Variants in ABTB3 observed in about 807,000 individuals in gnomAD.
The protein encoded by ABTB3 is ankyrin repeat and BTB domain containing 3.
the ABTB3 span, among the ~76,000 whole-genome samples, chr12:107,357,568 G>A: frequency 6.6e-6 from 1 of 152,184 alleles, no homozygotes; most frequent in African/African-American, 2.4e-5. Context: ...CTATGATCAT[G>A]CCACTGTGCT....
At chr12:107,521,056 T>C in the ABTB3 span, among the ~76,000 whole-genome samples, 1 of 152,226 alleles carries the variant, frequency 6.6e-6, no homozygotes, top group African/African-American at 2.4e-5. Flanking sequence ...CGTGAGAATG[T>C]GCATGCCAGA....
chr12:107,551,405 T>C, the ABTB3 span, among the ~76,000 whole-genome samples: 1 of 152,238 alleles, frequency 6.6e-6, no homozygotes, highest in African/African-American at 2.4e-5. Flanking sequence ...CATGATCCAT[T>C]TGTAACTTGA....
the ABTB3 span, among the ~76,000 whole-genome samples, chr12:107,557,549 T>C: frequency 6.6e-6 from 1 of 152,188 alleles, no homozygotes; most frequent in Admixed American, 6.5e-5. Context: ...TCATGGTTGA[T>C]TCTATTTATT....
the ABTB3 span, among the ~76,000 whole-genome samples, chr12:107,624,803 C>A: frequency 6.6e-6 from 1 of 152,184 alleles, no homozygotes; most frequent in Non-Finnish European, 1.5e-5. Context: ...CATTTACGCA[C>A]AGGTTTTTGT....
the ABTB3 span, among the ~76,000 whole-genome samples, chr12:107,560,839 C>A: frequency 3.3e-5 from 5 of 152,322 alleles, no homozygotes; most frequent in South Asian, 1.0e-3. Flanking sequence ...GAGGAAAACA[C>A]CACAATTCCA....
the ABTB3 span, among the ~76,000 whole-genome samples, chr12:107,410,226 T>TAA: frequency 0.052 from 6,340 of 122,094 alleles, 327 homozygotes; most frequent in African/African-American, 0.13. Context: ...TCAGAATTGT[T>TAA]AAAAAAAAAA....
the ABTB3 span, among the ~76,000 whole-genome samples, chr12:107,324,041 T>A: frequency 6.6e-6 from 1 of 152,182 alleles, no homozygotes; most frequent in Non-Finnish European, 1.5e-5. Flanking sequence ...TGTCCTCCAG[T>A]TTCCTCAGCT....
chr12:107,349,910 A>G, the ABTB3 span, among the ~76,000 whole-genome samples: 1 of 152,242 alleles, frequency 6.6e-6, no homozygotes, highest in Admixed American at 6.5e-5. Context: ...AAACATAGAC[A>G]TCTCCATTTG....
At chr12:107,639,160 C>A in the ABTB3 span, among the ~76,000 whole-genome samples, 3 of 152,130 alleles carry the variant, frequency 2.0e-5, no homozygotes, top group African/African-American at 7.2e-5. Flanking sequence ...GTGTGCAGAG[C>A]CCCAGAGGGG....
chr12:107,636,452 T>G, the ABTB3 span, among the ~76,000 whole-genome samples: 1 of 152,206 alleles, frequency 6.6e-6, no homozygotes. Flanking sequence ...GAAGGACATC[T>G]GAGTAATAGA....
chr12:107,423,848 C>T, the ABTB3 span, among the ~76,000 whole-genome samples: 1 of 152,216 alleles, frequency 6.6e-6, no homozygotes, highest in African/African-American at 2.4e-5. Context: ...ATTGAAGTAA[C>T]AGTTCCTCCA....
At chr12:107,640,429 T>G in the ABTB3 span, 1 of 1,477,222 alleles carries the variant, frequency 6.8e-7, no homozygotes, top group East Asian at 2.3e-5. Context: ...TATCATCGGT[T>G]TTGAAAGCAG....
At chr12:107,431,473 G>T in the ABTB3 span, among the ~76,000 whole-genome samples, 1 of 152,256 alleles carries the variant, frequency 6.6e-6, no homozygotes, top group Non-Finnish European at 1.5e-5. Flanking sequence ...GCCGGGCGTG[G>T]TGGCGCATGT....
chr12:107,411,742 G>C, the ABTB3 span, among the ~76,000 whole-genome samples: 1 of 152,200 alleles, frequency 6.6e-6, no homozygotes, highest in Admixed American at 6.5e-5. Flanking sequence ...TCGTCTTGCA[G>C]GACTGACTAG....
the ABTB3 span, among the ~76,000 whole-genome samples, chr12:107,494,758 C>A: frequency 6.6e-6 from 1 of 152,138 alleles, no homozygotes; most frequent in African/African-American, 2.4e-5. Context: ...GCAGCTTCCC[C>A]AGGTGGCACC....
At chr12:107,560,690 G>T in the ABTB3 span, among the ~76,000 whole-genome samples, 1 of 152,208 alleles carries the variant, frequency 6.6e-6, no homozygotes, top group Non-Finnish European at 1.5e-5. Context: ...CTGCTCTAGG[G>T]ATTGCCGGTA....
At chr12:107,384,632 A>C in the ABTB3 span, among the ~76,000 whole-genome samples, 2 of 152,190 alleles carry the variant, frequency 1.3e-5, no homozygotes, top group South Asian at 2.1e-4. Context: ...GCCTCAGTAC[A>C]TCCCCTGGGA....
chr12:107,521,656 C>T, the ABTB3 span, among the ~76,000 whole-genome samples: 3 of 151,828 alleles, frequency 2.0e-5, no homozygotes, highest in Admixed American at 1.3e-4. Flanking sequence ...AGCCAAAGCC[C>T]CAGAATTACT....
chr12:107,346,472 T>G, the ABTB3 span, among the ~76,000 whole-genome samples: 1 of 152,146 alleles, frequency 6.6e-6, no homozygotes, highest in African/African-American at 2.4e-5. Context: ...TCTTAATTTT[T>G]TTTTTCAGAT....
Sources: gnomAD v4.1 joint callset for allele counts (sites outside exome capture counted in the v4.1 genomes callset) on GRCh38, gnomAD v4.1.1 for gene constraint, MANE v1.5 for transcripts, NCBI Gene and HGNC (gene_info 2026-07-23, HGNC 2026-07-21) for gene names.